Variants in LPA observed in about 807,000 individuals in gnomAD.
LPA encodes the protein apolipoprotein(a).
Under a neutral mutation model 197.9 loss-of-function variants are expected in LPA, and 199 were observed. The observed-to-expected ratio is 1.01, with a 90% CI of 0.90 to 1.13. LPA has a LOEUF of 1.13. LPA is among the 50% of genes most tolerant of loss of function. The probability of loss-of-function intolerance (pLI) is 0.00; values close to 1 mark genes in which losing one functional copy is unlikely to be tolerated. For missense variants in LPA, 1,853 were observed against 1,785.8 expected, an observed-to-expected ratio of 1.04 and a Z score of -0.68; for synonymous variants, 715 against 639.5, an observed-to-expected ratio of 1.12 and a Z score of -1.78.
chr6:160,604,477 ATC>A, intron 18 of LPA, among the ~76,000 whole-genome samples: 1 of 152,090 alleles, frequency 6.6e-6, no homozygotes, highest in African/African-American at 2.4e-5. Flanking sequence ...ACTTTACAGG[ATC>A]TCTCTCTTTG....
intron 24 of LPA, 138 bp downstream of exon 24, chr6:160,589,415 C>T (rs1778980383): frequency 9.7e-7 from 1 of 1,029,636 alleles, no homozygotes; most frequent in African/African-American, 1.6e-5. Context: ...GTGCCCAAAG[C>T]AAGAAGCCTG....
At chr6:160,599,119 G>C (rs971163162) in intron 20 of LPA, among the ~76,000 whole-genome samples, 20 of 152,272 alleles carry the variant, frequency 1.3e-4, no homozygotes, top group African/African-American at 4.6e-4. Context: ...TGAGGCAGGC[G>C]GATCACGAGG....
intron 30 of LPA, among the ~76,000 whole-genome samples, chr6:160,550,299 C>G (rs545429098): frequency 6.6e-6 from 1 of 152,146 alleles, no homozygotes; most frequent in East Asian, 1.9e-4. Flanking sequence ...TTCGTTCCTC[C>G]CAGGAATGTT....
At chr6:160,577,039 A>G in intron 28 of LPA, 97 bp downstream of exon 28, 1 of 1,480,970 alleles carries the variant, frequency 6.8e-7, no homozygotes, top group South Asian at 1.1e-5. Flanking sequence ...TGAGTCTAAG[A>G]GAAATTTGTC....
intron 20 of LPA, among the ~76,000 whole-genome samples, chr6:160,597,100 G>C (rs1330439562): frequency 6.6e-6 from 1 of 152,194 alleles, no homozygotes; most frequent in Non-Finnish European, 1.5e-5. Context: ...GTCATGTGTA[G>C]AGTACACCTC....
chr6:160,590,831 G>T, intron 23 of LPA, 113 bp downstream of exon 23: 1 of 1,430,318 alleles, frequency 7.0e-7, no homozygotes. Flanking sequence ...GGCTGACCCT[G>T]AGTCCACATT....
intron 26 of LPA, among the ~76,000 whole-genome samples, chr6:160,583,265 G>A (rs996980886): frequency 2.0e-5 from 3 of 152,028 alleles, no homozygotes; most frequent in Non-Finnish European, 2.9e-5. Flanking sequence ...GCCACACATT[G>A]TGCATACTAT....
chr6:160,604,591 G>C (rs563911359), intron 18 of LPA, among the ~76,000 whole-genome samples: 1 of 152,242 alleles, frequency 6.6e-6, no homozygotes, highest in East Asian at 1.9e-4. Flanking sequence ...TATTGGAATA[G>C]ACGTAGATAT....
Position 160,545,446 on chromosome 6 carries a change from G to A in LPA, c.5392C>T (p.Leu1798Phe), listed in dbSNP as rs1473307316. 6.3e-7 allele frequency: 1 copy of A among 1,597,660 alleles called. No individual in the cohort carries two copies. Among genetic ancestry groups the A allele is most frequent in the Non-Finnish European group, 8.6e-7 (1 of 1,165,454 alleles). The change falls in exon 33 of 39, where the codon CTC (leucine) becomes TTC (phenylalanine). Residue 1798 changes from leucine to phenylalanine, a missense_variant. Physicochemically the swap from Leu to Phe is conservative, Grantham distance 22 (BLOSUM62 0). Transcript: ENST00000316300. ...AAAACAGAAGGCAACTTACCACAGA[G>A]AGGGATATCACAGTAGTCAAAAAGT... ...RKLFDYCDIP[L>F]CASSSFDCGK...
chr6:160,580,483 T>A (rs1046556982), intron 26 of LPA, among the ~76,000 whole-genome samples: 3 of 152,212 alleles, frequency 2.0e-5, no homozygotes, highest in Admixed American at 1.3e-4. Context: ...TAAGAAAGCA[T>A]CAGACTGATT....
At chr6:160,603,494 A>G (rs771130949) in intron 18 of LPA, among the ~76,000 whole-genome samples, 10 of 152,080 alleles carry the variant, frequency 6.6e-5, no homozygotes, top group Non-Finnish European at 1.5e-4. Context: ...GTCTCTTGAT[A>G]TGGTATCTGC....
intron 30 of LPA, among the ~76,000 whole-genome samples, chr6:160,554,692 G>A (rs938632029): frequency 3.9e-5 from 6 of 151,970 alleles, no homozygotes; most frequent in Non-Finnish European, 5.9e-5. Flanking sequence ...CCCAGTAGTG[G>A]TTCTCTGTCC....
intron 16 of LPA, among the ~76,000 whole-genome samples, chr6:160,609,995 C>T (rs1044629461): frequency 6.6e-6 from 1 of 152,122 alleles, no homozygotes; most frequent in Non-Finnish European, 1.5e-5. Flanking sequence ...CTATTCTATA[C>T]TATTAATTTG....
At position 160,545,452 on chromosome 6, in the gene LPA, T is replaced by C; in HGVS notation, c.5386A>G (p.Ile1796Val). 6.2e-7 allele frequency: 1 copy of C among 1,603,522 alleles called. No individual in the cohort carries two copies. The highest frequency in any genetic ancestry group is 2.2e-5 in the East Asian group (1 of 44,776). ...GAAGGCAACTTACCACAGAGAGGGA[T>C]ATCACAGTAGTCAAAAAGTTTTCTT... ...NPRKLFDYCD[I>V]PLCASSSFDC... The change falls in exon 33 of 39, where the codon ATC becomes GTC. Residue 1796 changes from isoleucine (I) to valine (V), a missense_variant. Transcript: ENST00000316300.
intron 1 of LPA, among the ~76,000 whole-genome samples, chr6:160,653,305 G>A (rs2115102086): frequency 6.6e-6 from 1 of 152,098 alleles, no homozygotes; most frequent in Admixed American, 6.6e-5. Flanking sequence ...AAGAGAAATA[G>A]ACTAATCTAG....
intron 16 of LPA, among the ~76,000 whole-genome samples, chr6:160,610,290 T>C (rs1779464965): frequency 6.6e-6 from 1 of 152,168 alleles, no homozygotes; most frequent in African/African-American, 2.4e-5. Context: ...ACTTCATTGA[T>C]TGGAAACCCA....
intron 28 of LPA, among the ~76,000 whole-genome samples, chr6:160,566,466 T>G (rs929900114): frequency 6.6e-6 from 1 of 152,168 alleles, no homozygotes; most frequent in Non-Finnish European, 1.5e-5. Context: ...CCACCAGGCC[T>G]GCCTTACAAG....
In LPA at chr6:160,557,238, A is replaced by G. The variant is rs184372256; in HGVS notation, c.4813+152T>C. ...ACCGCCCACGCACGTTGCGCCAAAA[A>G]TTGCTCCACCAGAGAGAGTGCTGAG... On this transcript the variant is annotated intron_variant, in intron 29 of 38. Transcript: ENST00000316300. The G allele has an allele frequency of 1.2e-3, 1,072 of 903,918 alleles. 2 individuals are homozygous for G. Among genetic ancestry groups the G allele is most frequent in the Non-Finnish European group, 1.6e-3 (933 of 584,762 alleles). 56.0% of individuals were successfully genotyped at this position (903,918 alleles called of 1,614,324 possible).
chr6:160,586,465 C>T lies in LPA; in HGVS notation c.4113G>A (p.Glu1371=), dbSNP rs1400232121. The T allele has an allele frequency of 7.4e-6, 12 of 1,613,612 alleles. No individual in the cohort carries two copies. The highest frequency in any genetic ancestry group is 7.6e-6 in the Non-Finnish European group (9 of 1,179,634). ...GCTTCTTACCTTCTTCAGAAGGAAG[C>T]TCTGTGCTTGGAACTGGGACCACCG... ...TPTVVPVPST[E]LPSEEAPTEN... Residue 1371 remains glutamate (E), a synonymous_variant, in exon 25 of 39, where the codon GAG becomes GAA. Transcript: ENST00000316300.
Sources: gnomAD v4.1 joint callset for allele counts (sites outside exome capture counted in the v4.1 genomes callset) on GRCh38, gnomAD v4.1.1 for gene constraint, MANE v1.5 for transcripts, NCBI Gene and HGNC (gene_info 2026-07-23, HGNC 2026-07-21) for gene names.